The following SLC17A1 variants were observed in gnomAD, a reference collection of about 807,000 sequenced individuals.
SLC17A1 encodes solute carrier family 17 member 1.
SLC17A1 carries 51 observed loss-of-function variants against 53.5 expected under a neutral mutation model. The observed-to-expected ratio is 0.95, with a 90% CI of 0.76 to 1.20. SLC17A1 has a LOEUF of 1.20. Ranked by LOEUF, SLC17A1 falls within the 50% of genes most tolerant of loss-of-function variation. The probability of loss-of-function intolerance (pLI) is 0.00; values close to 1 mark genes in which losing one functional copy is unlikely to be tolerated. For synonymous variants in SLC17A1, 179 were observed against 198.8 expected, an observed-to-expected ratio of 0.90 and a Z score of 0.84; for missense variants, 538 against 568.2, an observed-to-expected ratio of 0.95 and a Z score of 0.54.
At chr6:25,770,231 C>T in the SLC17A1 span, 1 of 1,614,124 alleles carries the variant, frequency 6.2e-7, no homozygotes, top group South Asian at 1.1e-5. Flanking sequence ...TGACCCTCTT[C>T]ATTCCACTGG....
the SLC17A1 span, among the ~76,000 whole-genome samples, chr6:25,735,033 A>G: frequency 3.9e-5 from 6 of 152,340 alleles, no homozygotes; most frequent in East Asian, 1.2e-3. Context: ...CAAGTTTCAA[A>G]AAATATCATT....
the SLC17A1 span, chr6:25,768,343 G>C: frequency 4.1e-6 from 4 of 984,056 alleles, no homozygotes; most frequent in South Asian, 1.9e-4. Flanking sequence ...CAGGGATAGT[G>C]GATGAATTCT....
intron 8 of SLC17A1, 125 bp downstream of exon 8, chr6:25,812,706 A>G: frequency 1.5e-6 from 1 of 661,374 alleles, no homozygotes; most frequent in Non-Finnish European, 2.6e-6. Context: ...GTTAGTTTCC[A>G]GGTGAAGAGC....
chr6:25,802,546 T>C (rs183074120), intron 10 of SLC17A1, among the ~76,000 whole-genome samples: 119 of 152,362 alleles, frequency 7.8e-4, no homozygotes, highest in Non-Finnish European at 7.3e-4. Flanking sequence ...AATCCTTTCA[T>C]TGGAGGTCTA....
chr6:25,738,184 T>G, the SLC17A1 span, among the ~76,000 whole-genome samples: 5 of 152,156 alleles, frequency 3.3e-5, no homozygotes, highest in Non-Finnish European at 5.9e-5. Flanking sequence ...CAGGACTTAT[T>G]ATATAATATA....
intron 11 of SLC17A1, among the ~76,000 whole-genome samples, chr6:25,799,683 T>C (rs1304048830): frequency 6.6e-6 from 1 of 152,206 alleles, no homozygotes; most frequent in African/African-American, 2.4e-5. Context: ...AGTTAACTTA[T>C]AGGCAGAGAC....
rs1204734383 is a variant in SLC17A1 at position 25,798,780 on chromosome 6, C to T, written c.*2+3G>A. 3 of 1,604,938 alleles carry T rather than the reference C, an allele frequency of 1.9e-6. No homozygotes were observed. Among genetic ancestry groups the T allele is most frequent in the Non-Finnish European group, 2.6e-6 (3 of 1,174,032 alleles). On this transcript the variant is annotated splice_donor_region_variant and intron_variant, in intron 12 of 12. Transcript: ENST00000244527. ...AATTGTCCTTAATCTGATCACTTCTCACCTTCAGAGACGTGTGTGTTGTTT... is the reference window on the plus strand; with the variant it reads ...AATTGTCCTTAATCTGATCACTTCTTACCTTCAGAGACGTGTGTGTTGTTT...
At chr6:25,813,985 T>C (rs1373036228) in intron 6 of SLC17A1, among the ~76,000 whole-genome samples, 3 of 152,242 alleles carry the variant, frequency 2.0e-5, no homozygotes, top group Non-Finnish European at 4.4e-5. Context: ...AGTCTATCAT[T>C]GATGGGCATT....
At chr6:25,741,957 C>G in the SLC17A1 span, among the ~76,000 whole-genome samples, 34 of 152,246 alleles carry the variant, frequency 2.2e-4, no homozygotes, top group Non-Finnish European at 3.7e-4. Flanking sequence ...CTCCCTGTGA[C>G]AAACTGAGGG....
chr6:25,822,433 C>T (rs13201341), intron 3 of SLC17A1, among the ~76,000 whole-genome samples: 6,279 of 152,212 alleles, frequency 0.041, 188 homozygotes, highest in Non-Finnish European at 0.072. Context: ...TGTTAGACTA[C>T]AATTTAGATC....
At chr6:25,736,775 T>A in the SLC17A1 span, among the ~76,000 whole-genome samples, 1 of 152,222 alleles carries the variant, frequency 6.6e-6, no homozygotes, top group Non-Finnish European at 1.5e-5. Context: ...GTTCTCAAGG[T>A]CTTTCTACAC....
the SLC17A1 span, among the ~76,000 whole-genome samples, chr6:25,772,994 T>C: frequency 1.3e-5 from 2 of 152,226 alleles, no homozygotes; most frequent in African/African-American, 4.8e-5. Context: ...AGTCTTCCAA[T>C]AGCAGTGGGC....
chr6:25,805,253 T>C (rs1420094816), intron 10 of SLC17A1, among the ~76,000 whole-genome samples: 1 of 152,028 alleles, frequency 6.6e-6, no homozygotes, highest in Admixed American at 6.6e-5. Flanking sequence ...AAAGGAACCA[T>C]GAAAACTATC....
the SLC17A1 span, chr6:25,726,975 A>G: frequency 4.3e-6 from 7 of 1,614,024 alleles, no homozygotes; most frequent in African/African-American, 4.0e-5. Context: ...TGTCGTTAAG[A>G]CCCAGAAAAA....
At chr6:25,767,740 C>G in the SLC17A1 span, among the ~76,000 whole-genome samples, 14 of 152,264 alleles carry the variant, frequency 9.2e-5, no homozygotes, top group East Asian at 2.1e-3. Flanking sequence ...ACCATTCCTG[C>G]TTTGTCCATT....
chr6:25,746,069 C>A, the SLC17A1 span, among the ~76,000 whole-genome samples: 3 of 152,278 alleles, frequency 2.0e-5, no homozygotes, highest in East Asian at 5.8e-4. Flanking sequence ...ATAGTATTAG[C>A]CGTTATCAAT....
intron 12 of SLC17A1, among the ~76,000 whole-genome samples, chr6:25,796,829 T>C (rs1487515576): frequency 3.3e-5 from 5 of 152,238 alleles, no homozygotes; most frequent in Admixed American, 6.5e-5. Flanking sequence ...TTTACCAATA[T>C]GTATTTTCTT....
chr6:25,822,592 C>T (rs895548033), intron 3 of SLC17A1, among the ~76,000 whole-genome samples: 6 of 151,956 alleles, frequency 3.9e-5, no homozygotes, highest in South Asian at 4.1e-4. Context: ...CATGGGGTGG[C>T]GGGCTGATGC....
At chr6:25,825,108 T>C (rs575969834) in intron 3 of SLC17A1, among the ~76,000 whole-genome samples, 3 of 152,024 alleles carry the variant, frequency 2.0e-5, no homozygotes, top group Admixed American at 6.6e-5. Context: ...TCTGAGTCTT[T>C]ATATTTTAAC....
Sources: gnomAD v4.1 joint callset for allele counts (sites outside exome capture counted in the v4.1 genomes callset) on GRCh38, gnomAD v4.1.1 for gene constraint, MANE v1.5 for transcripts, NCBI Gene and HGNC (gene_info 2026-07-23, HGNC 2026-07-21) for gene names.